Variants in CACNA2D3 observed in about 807,000 individuals in gnomAD.
CACNA2D3 encodes calcium voltage-gated channel auxiliary subunit alpha2delta 3.
CACNA2D3 carries 60 observed loss-of-function variants against 160.6 expected under a neutral mutation model. The ratio of observed to expected loss-of-function variants is 0.37; its 90% CI spans 0.30 to 0.46. CACNA2D3 has a LOEUF of 0.46. Among genes scored for constraint, CACNA2D3 ranks in the 20% least tolerant of loss-of-function variants. The pLI, the probability that CACNA2D3 is intolerant of heterozygous loss-of-function variation, is 1.00. For missense variants in CACNA2D3, 1,205 were observed against 1,365.0 expected, an observed-to-expected ratio of 0.88 and a Z score of 1.85; for synonymous variants, 558 against 492.9, an observed-to-expected ratio of 1.13 and a Z score of -1.75.
intron 14 of CACNA2D3, among the ~76,000 whole-genome samples, chr3:54,830,170 C>T (rs1331074562): frequency 5.3e-5 from 8 of 151,982 alleles, no homozygotes; most frequent in Non-Finnish European, 1.2e-4. Flanking sequence ...ATCTTGAACT[C>T]CTGACCTCAT....
At chr3:54,369,762 G>T (rs1338957507) in intron 3 of CACNA2D3, among the ~76,000 whole-genome samples, 2 of 152,184 alleles carry the variant, frequency 1.3e-5, no homozygotes, top group African/African-American at 4.8e-5. Flanking sequence ...CCTGGCCTCA[G>T]TAGTGGCAAG....
At chr3:54,429,147 C>T (rs1296091187) in intron 4 of CACNA2D3, among the ~76,000 whole-genome samples, 1 of 152,182 alleles carries the variant, frequency 6.6e-6, no homozygotes, top group East Asian at 1.9e-4. Flanking sequence ...AGACTGGCAG[C>T]TGCTATAGAT....
Position 54,382,219 on chromosome 3 carries a change from A to T in CACNA2D3, c.322-4496A>T, listed in dbSNP as rs190409979. Among the ~76,000 whole-genome samples, 6 of 152,364 alleles carry T rather than the reference A, an allele frequency of 3.9e-5. No individual in the cohort carries two copies. In the East Asian group the frequency reaches 1.2e-3, roughly 29 times the overall value. ...TTATTATTAAAAGTACACTGCCTTTATAATAGGTATAATAGAGTAACAGTT... is the reference window on the plus strand; with the variant it reads ...TTATTATTAAAAGTACACTGCCTTTTTAATAGGTATAATAGAGTAACAGTT... On this transcript the variant is annotated intron_variant, in intron 3 of 37. Transcript: ENST00000474759.
intron 35 of CACNA2D3, among the ~76,000 whole-genome samples, chr3:55,033,831 T>A (rs1575444851): frequency 1.4e-5 from 1 of 70,024 alleles, no homozygotes; most frequent in African/African-American, 8.2e-5. Context: ...ATATATTTAA[T>A]ATATAATATA....
At chr3:54,414,903 A>C (rs913438019) in intron 4 of CACNA2D3, among the ~76,000 whole-genome samples, 4 of 151,600 alleles carry the variant, frequency 2.6e-5, no homozygotes, top group African/African-American at 9.7e-5. Flanking sequence ...AATTCATTTT[A>C]AACACAATAT....
At chr3:54,180,749 G>C (rs1700767999) in intron 2 of CACNA2D3, among the ~76,000 whole-genome samples, 1 of 152,160 alleles carries the variant, frequency 6.6e-6, no homozygotes, top group Admixed American at 6.5e-5. Flanking sequence ...CCTGGCTGTT[G>C]CCCTGCTGAT....
At chr3:54,872,497 C>T (rs1444714054) in intron 18 of CACNA2D3, among the ~76,000 whole-genome samples, 1 of 152,142 alleles carries the variant, frequency 6.6e-6, no homozygotes, top group Non-Finnish European at 1.5e-5. Flanking sequence ...TTGTTTCCAT[C>T]TCTCACTGCA....
intron 27 of CACNA2D3, among the ~76,000 whole-genome samples, chr3:54,949,564 A>G (rs1188300528): frequency 1.3e-5 from 2 of 152,182 alleles, no homozygotes; most frequent in Non-Finnish European, 2.9e-5. Flanking sequence ...AAATCTACCC[A>G]TTGATGCCAT....
At position 54,794,629 on chromosome 3, in the gene CACNA2D3, G is replaced by A. The variant is rs577937213; in HGVS notation, c.1381-22224G>A. Among the ~76,000 whole-genome samples the A allele has an allele frequency of 7.5e-5, 11 of 146,670 alleles. No homozygotes were observed. In the South Asian group the frequency reaches 2.1e-3, roughly 28 times the overall value. On this transcript the variant is annotated intron_variant, in intron 13 of 37. Coordinates refer to ENST00000474759, the MANE Select transcript of CACNA2D3 (RefSeq NM_018398.3). Reference sequence around the variant, plus strand: ...TATTTTTTTTTTTTTTGGTATGAAAGCATTTCTACTTTGCCTTCTTTTAGA... The same window carrying A: ...TATTTTTTTTTTTTTTGGTATGAAAACATTTCTACTTTGCCTTCTTTTAGA...
chr3:54,241,066 T>C (rs1701966184), intron 2 of CACNA2D3, among the ~76,000 whole-genome samples: 1 of 152,208 alleles, frequency 6.6e-6, no homozygotes. Flanking sequence ...TTGTCTACTT[T>C]TGCTTTCTTT....
At chr3:54,213,272 A>G (rs1701407980) in intron 2 of CACNA2D3, among the ~76,000 whole-genome samples, 2 of 152,138 alleles carry the variant, frequency 1.3e-5, no homozygotes, top group Non-Finnish European at 2.9e-5. Context: ...TGTTAATGGG[A>G]TAGTTTAAAT....
chr3:54,410,970 AG>A (rs1699658570), intron 4 of CACNA2D3, among the ~76,000 whole-genome samples: 1 of 152,206 alleles, frequency 6.6e-6, no homozygotes, highest in African/African-American at 2.4e-5. Context: ...AGAATTTGTC[AG>A]AGTCTAAGCC....
chr3:54,302,774 C>T (rs953450399), intron 2 of CACNA2D3, among the ~76,000 whole-genome samples: 1 of 151,968 alleles, frequency 6.6e-6, no homozygotes, highest in Admixed American at 6.6e-5. Flanking sequence ...ATCTGTTTCT[C>T]TCTTCTTCCT....
chr3:54,991,559 C>G (rs889787824), intron 31 of CACNA2D3, among the ~76,000 whole-genome samples: 1 of 150,936 alleles, frequency 6.6e-6, no homozygotes, highest in Non-Finnish European at 1.5e-5. Context: ...GTCTCAAAAT[C>G]CTTTCATTAG....
rs577116828 is a variant in CACNA2D3 at position 54,785,736 on chromosome 3, C to G, written c.1380+21385C>G. 5.9e-5 allele frequency among the ~76,000 whole-genome samples: 9 copies of G among 152,274 alleles called. No individual in the cohort carries two copies. The South Asian group carries it at 6.2e-4, about 11-fold the overall frequency. On this transcript the variant is annotated intron_variant, in intron 13 of 37. Coordinates refer to ENST00000474759, the MANE Select transcript of CACNA2D3 (RefSeq NM_018398.3). ...CCACTGAAGACAGCCTTGGTTGGTA[C>G]CAAAAGATAGTGGCCCAGATCCTTG...
At chr3:54,660,144 T>C (rs75835450) in intron 11 of CACNA2D3, among the ~76,000 whole-genome samples, 1 of 101,772 alleles carries the variant, frequency 9.8e-6, no homozygotes, top group African/African-American at 3.2e-5. Flanking sequence ...TTTTGGTTTC[T>C]TTTTTTTTTT....
At chr3:54,455,651 A>G (rs1420939459) in intron 4 of CACNA2D3, among the ~76,000 whole-genome samples, 1 of 152,060 alleles carries the variant, frequency 6.6e-6, no homozygotes, top group Non-Finnish European at 1.5e-5. Flanking sequence ...TCTTTGCCAG[A>G]TCAATGTCCT....
chr3:54,752,524 G>T (rs927388245), intron 11 of CACNA2D3, 75 bp from the exon 12 acceptor site: 2 of 957,724 alleles, frequency 2.1e-6, no homozygotes, highest in Non-Finnish European at 3.4e-6. Flanking sequence ...CCACATGTGT[G>T]TGAGCCATGC....
At chr3:55,000,969 A>G (rs1051825822) in intron 31 of CACNA2D3, among the ~76,000 whole-genome samples, 28 of 152,194 alleles carry the variant, frequency 1.8e-4, no homozygotes, top group Admixed American at 5.9e-4. Context: ...ATCTGGCTCT[A>G]TCACCAATGA....
Sources: gnomAD v4.1 joint callset for allele counts (sites outside exome capture counted in the v4.1 genomes callset) on GRCh38, gnomAD v4.1.1 for gene constraint, MANE v1.5 for transcripts, NCBI Gene and HGNC (gene_info 2026-07-23, HGNC 2026-07-21) for gene names.